SLC24A2: variants seen among roughly 807,000 people sequenced by gnomAD.
SLC24A2 encodes solute carrier family 24 member 2.
In SLC24A2, 36 loss-of-function variants were observed where a neutral mutation model predicts 62.0. That is an observed-to-expected ratio of 0.58 (90% CI 0.44 to 0.77). The LOEUF (loss-of-function observed/expected upper bound fraction) is 0.77, where lower values mean the gene tolerates loss of function less well. Ranked by LOEUF, SLC24A2 falls within the 30% of genes least tolerant of loss-of-function variation. SLC24A2 has a pLI of 0.00. For synonymous variants in SLC24A2, 358 were observed against 294.0 expected, an observed-to-expected ratio of 1.22 and a Z score of -2.23; for missense variants, 846 against 817.9, an observed-to-expected ratio of 1.03 and a Z score of -0.42.
the SLC24A2 span, among the ~76,000 whole-genome samples, chr9:20,246,861 C>G: frequency 6.6e-6 from 1 of 152,228 alleles, no homozygotes; most frequent in African/African-American, 2.4e-5. Flanking sequence ...CCAACTGAAG[C>G]TGCCACCACC....
chr9:19,983,150 T>A, the SLC24A2 span, among the ~76,000 whole-genome samples: 1 of 152,172 alleles, frequency 6.6e-6, no homozygotes, highest in Non-Finnish European at 1.5e-5. Flanking sequence ...GTACTGGAAG[T>A]TCTAGCCAGA....
the SLC24A2 span, among the ~76,000 whole-genome samples, chr9:20,215,617 T>C: frequency 6.6e-6 from 1 of 152,330 alleles, no homozygotes; most frequent in East Asian, 1.9e-4. Context: ...CTTACCAATG[T>C]TATCGCCTTT....
chr9:19,717,258 C>T (rs374285610), intron 2 of SLC24A2, among the ~76,000 whole-genome samples: 1 of 152,166 alleles, frequency 6.6e-6, no homozygotes, highest in Non-Finnish European at 1.5e-5. Flanking sequence ...TGCTGGTTCA[C>T]TGATTCTCAA....
intron 2 of SLC24A2, among the ~76,000 whole-genome samples, chr9:19,639,533 A>C (rs1293093166): frequency 6.6e-6 from 1 of 152,252 alleles, no homozygotes; most frequent in East Asian, 1.9e-4. Context: ...ATCTGGTCAG[A>C]GGACAGAACT....
the SLC24A2 span, among the ~76,000 whole-genome samples, chr9:20,012,907 C>A: frequency 1.3e-4 from 20 of 149,342 alleles, 1 homozygote; most frequent in Admixed American, 9.3e-4. Flanking sequence ...AAAAAAAAAA[C>A]CACAAATAAA....
chr9:19,769,313 G>A (rs1415187553), intron 2 of SLC24A2, among the ~76,000 whole-genome samples: 2 of 152,102 alleles, frequency 1.3e-5, no homozygotes, highest in Non-Finnish European at 2.9e-5. Context: ...ACTTCTCACT[G>A]CCTCTGCTGC....
At chr9:19,603,465 T>C (rs1275954273) in intron 4 of SLC24A2, among the ~76,000 whole-genome samples, 3 of 152,014 alleles carry the variant, frequency 2.0e-5, no homozygotes, top group Non-Finnish European at 4.4e-5. Context: ...AGGAGCTTGG[T>C]TATATTACAT....
chr9:19,676,115 A>G (rs1007453283), intron 2 of SLC24A2, among the ~76,000 whole-genome samples: 1 of 152,142 alleles, frequency 6.6e-6, no homozygotes, highest in Non-Finnish European at 1.5e-5. Flanking sequence ...AGTAAGGTCA[A>G]ATACTTCTCT....
chr9:20,027,439 C>G, the SLC24A2 span, among the ~76,000 whole-genome samples: 98 of 151,990 alleles, frequency 6.4e-4, no homozygotes, highest in Non-Finnish European at 1.0e-3. Context: ...GAAAATGTGG[C>G]CTATATACAC....
At chr9:20,213,829 T>A in the SLC24A2 span, among the ~76,000 whole-genome samples, 19 of 152,348 alleles carry the variant, frequency 1.2e-4, no homozygotes, top group African/African-American at 4.1e-4. Flanking sequence ...GTGTTCTGCT[T>A]TATACTAGGT....
intron 4 of SLC24A2, among the ~76,000 whole-genome samples, chr9:19,612,799 C>A (rs185171911): frequency 6.6e-6 from 1 of 152,258 alleles, no homozygotes; most frequent in Admixed American, 6.5e-5. Flanking sequence ...ATCACTTGAG[C>A]CCAGGATTTC....
intron 2 of SLC24A2, among the ~76,000 whole-genome samples, chr9:19,656,023 T>A (rs113205836): frequency 6.6e-6 from 1 of 152,294 alleles, no homozygotes; most frequent in African/African-American, 2.4e-5. Context: ...TGTCTCCCGG[T>A]TGGATTTCTA....
At chr9:20,253,747 T>C in the SLC24A2 span, among the ~76,000 whole-genome samples, 1 of 152,166 alleles carries the variant, frequency 6.6e-6, no homozygotes, top group East Asian at 1.9e-4. Flanking sequence ...CTGGATTCTT[T>C]TTCTTTCAGT....
At chr9:20,171,968 G>T in the SLC24A2 span, among the ~76,000 whole-genome samples, 10 of 151,956 alleles carry the variant, frequency 6.6e-5, no homozygotes, top group East Asian at 1.8e-3. Flanking sequence ...ATAGGCCACA[G>T]TACAAGCCTC....
the SLC24A2 span, among the ~76,000 whole-genome samples, chr9:20,128,884 A>G: frequency 6.6e-6 from 1 of 152,112 alleles, no homozygotes; most frequent in Non-Finnish European, 1.5e-5. Context: ...TGGATTTAGC[A>G]AAGGACTCGT....
chr9:20,092,789 T>C, the SLC24A2 span, among the ~76,000 whole-genome samples: 1 of 152,134 alleles, frequency 6.6e-6, no homozygotes, highest in Non-Finnish European at 1.5e-5. Flanking sequence ...TAGTAAACAA[T>C]GCAGTGTTAT....
intron 10 of SLC24A2, among the ~76,000 whole-genome samples, chr9:19,518,341 G>C (rs1449940111): frequency 3.9e-5 from 6 of 151,906 alleles, no homozygotes; most frequent in African/African-American, 1.5e-4. Flanking sequence ...TTTCAATCAT[G>C]TGAAATACAC....
intron 8 of SLC24A2, among the ~76,000 whole-genome samples, chr9:19,543,114 T>C (rs1268595853): frequency 1.3e-5 from 2 of 152,214 alleles, no homozygotes; most frequent in African/African-American, 2.4e-5. Context: ...GAAGTTGTTA[T>C]TGGTCTATTC....
At chr9:20,107,664 C>T in the SLC24A2 span, among the ~76,000 whole-genome samples, 2 of 152,124 alleles carry the variant, frequency 1.3e-5, no homozygotes, top group East Asian at 1.9e-4. Flanking sequence ...GAAACTGGAT[C>T]CCTTCCTTAC....
Sources: allele counts gnomAD v4.1 joint callset (sites outside exome capture counted in the v4.1 genomes callset), GRCh38; gene constraint gnomAD v4.1.1; transcripts MANE v1.5; gene names NCBI Gene and HGNC (gene_info 2026-07-23, HGNC 2026-07-21).